The following INSR variants were observed in gnomAD, a reference collection of about 807,000 sequenced individuals.
INSR encodes the protein IR.
INSR carries 67 observed loss-of-function variants against 142.6 expected under a neutral mutation model. The ratio of observed to expected loss-of-function variants is 0.47; its 90% CI spans 0.39 to 0.58. The LOEUF is 0.58. Ranked by LOEUF, INSR falls within the 20% of genes least tolerant of loss-of-function variation. The pLI is 0.00. For synonymous variants in INSR, 756 were observed against 743.1 expected (o/e 1.02, Z -0.28); for missense variants, 1,248 against 1,833.2 (o/e 0.68, Z 5.83).
intron 2 of INSR, among the ~76,000 whole-genome samples, chr19:7,243,745 G>A (rs1300963215): frequency 1.3e-5 from 2 of 152,102 alleles, no homozygotes; most frequent in Non-Finnish European, 2.9e-5. Context: ...CAGATGGCAA[G>A]AATTCAGAAA....
intron 2 of INSR, among the ~76,000 whole-genome samples, chr19:7,254,354 ATAAATAAG>A (rs1396919701): frequency 6.6e-6 from 1 of 151,794 alleles, no homozygotes; most frequent in Non-Finnish European, 1.5e-5. Flanking sequence ...CATCTCTTTA[ATAAATAAG>A]TAAATAAGTA....
At chr19:7,252,248 A>G (rs1032184143) in intron 2 of INSR, among the ~76,000 whole-genome samples, 3 of 152,032 alleles carry the variant, frequency 2.0e-5, no homozygotes, top group Non-Finnish European at 4.4e-5. Context: ...CATCTCTACT[A>G]AAAATACAAA....
chr19:7,154,645 T>G (rs1312487289), intron 9 of INSR, among the ~76,000 whole-genome samples: 1 of 145,446 alleles, frequency 6.9e-6, no homozygotes, highest in African/African-American at 2.5e-5. Context: ...GCCAGGTGGC[T>G]GGGCGCGGTG....
intron 17 of INSR, among the ~76,000 whole-genome samples, chr19:7,124,344 G>C (rs910735628): frequency 8.4e-5 from 12 of 143,518 alleles, no homozygotes; most frequent in Admixed American, 7.8e-4. Flanking sequence ...ACTCCAGCCT[G>C]GGTGACAGAG....
intron 2 of INSR, among the ~76,000 whole-genome samples, chr19:7,196,675 A>C (rs1974755891): frequency 6.6e-6 from 1 of 152,182 alleles, no homozygotes; most frequent in Non-Finnish European, 1.5e-5. Context: ...ATGATTCGAT[A>C]GCTCCACATA....
At chr19:7,264,000 T>C (rs1229964336) in intron 2 of INSR, among the ~76,000 whole-genome samples, 1 of 152,002 alleles carries the variant, frequency 6.6e-6, no homozygotes, top group East Asian at 1.9e-4. Context: ...AGAAATCCCA[T>C]CTCTACTAAA....
intron 8 of INSR, among the ~76,000 whole-genome samples, chr19:7,165,688 T>C (rs1973872398): frequency 6.6e-6 from 1 of 151,684 alleles, no homozygotes; most frequent in African/African-American, 2.4e-5. Context: ...CACAGCAACG[T>C]TCTGTCTCTA....
At chr19:7,186,581 AC>A (rs760482985) in intron 2 of INSR, among the ~76,000 whole-genome samples, 4 of 152,042 alleles carry the variant, frequency 2.6e-5, no homozygotes, top group Non-Finnish European at 4.4e-5. Context: ...AACCATCACC[AC>A]CACCCATCTC....
At chr19:7,234,072 T>G (rs1600070904) in intron 2 of INSR, among the ~76,000 whole-genome samples, 1 of 151,850 alleles carries the variant, frequency 6.6e-6, no homozygotes, top group East Asian at 1.9e-4. Flanking sequence ...GTCCAGCTAA[T>G]TTTTTTTATT....
intron 1 of INSR, among the ~76,000 whole-genome samples, chr19:7,286,690 A>G (rs1041692673): frequency 6.6e-6 from 1 of 151,282 alleles, no homozygotes; most frequent in African/African-American, 2.4e-5. Flanking sequence ...GCACCCCACC[A>G]CAAGATTTTG....
chr19:7,127,089 G>C (rs1375029859), intron 15 of INSR, among the ~76,000 whole-genome samples: 1 of 151,992 alleles, frequency 6.6e-6, no homozygotes, highest in East Asian at 1.9e-4. Flanking sequence ...ATATAGACAG[G>C]GTCTCACTAT....
At chr19:7,137,616 C>G (rs974718253) in intron 13 of INSR, among the ~76,000 whole-genome samples, 24 of 151,804 alleles carry the variant, frequency 1.6e-4, no homozygotes, top group African/African-American at 5.8e-4. Flanking sequence ...GGTGAAACCT[C>G]GTCTCCATTA....
In INSR at chr19:7,213,299, G is replaced by A. The variant is rs180765508; in HGVS notation, c.653-28662C>T. Among the ~76,000 whole-genome samples the A allele has an allele frequency of 2.6e-4, 35 of 134,692 alleles. 1 individual carries two copies. The highest frequency in any genetic ancestry group is 8.3e-4 in the African/African-American group (31 of 37,130). 88.4% of individuals were successfully genotyped at this position (134,692 alleles called of 152,430 possible). A position where few individuals can be genotyped will look rare whatever the true frequency, so the allele number is the denominator to read the frequency against. ...GCGGAGGTTGCAGTGAGCCAAGATC[G>A]CACCATTGCACTCCAGCCTGGGCTA... On this transcript the variant is annotated intron_variant, in intron 2 of 21. Transcript: ENST00000302850.
intron 2 of INSR, among the ~76,000 whole-genome samples, chr19:7,201,717 C>T (rs1974960947): frequency 7.2e-6 from 1 of 138,044 alleles, no homozygotes. Context: ...GGCTGGAGTG[C>T]AGTGGCGCGA....
chr19:7,182,751 G>A (rs921838493), intron 3 of INSR, among the ~76,000 whole-genome samples: 1 of 152,076 alleles, frequency 6.6e-6, no homozygotes, highest in East Asian at 1.9e-4. Flanking sequence ...TTGTTAAGGT[G>A]AGGGAAAAAT....
At chr19:7,121,143 G>C (rs959950756) in intron 19 of INSR, among the ~76,000 whole-genome samples, 2 of 151,958 alleles carry the variant, frequency 1.3e-5, no homozygotes, top group African/African-American at 4.8e-5. Context: ...GATTACAGCT[G>C]TCTGCCACCA....
chr19:7,178,152 G>C (rs569000769), intron 3 of INSR, among the ~76,000 whole-genome samples: 1 of 150,052 alleles, frequency 6.7e-6, no homozygotes, highest in Non-Finnish European at 1.5e-5. Context: ...TCTTCATCCC[G>C]GTTCTTGGCA....
intron 2 of INSR, among the ~76,000 whole-genome samples, chr19:7,189,781 A>G (rs1339852457): frequency 6.6e-6 from 1 of 151,278 alleles, no homozygotes; most frequent in African/African-American, 2.4e-5. Context: ...CTCCTGCCTC[A>G]GCCTCCTGAG....
At position 7,153,046 on chromosome 19, in the gene INSR, CA is replaced by C. The variant is rs1486856711; in HGVS notation, c.2030-120del. 3.4e-4 allele frequency: 124 copies of C among 369,224 alleles called. 2 individuals carry two copies. Among genetic ancestry groups the C allele is most frequent in the African/African-American group, 8.6e-4 (11 of 12,736 alleles). The allele number at this position is 369,224 out of a possible 1,614,324, so 22.9% of individuals were successfully genotyped here. A position where few individuals can be genotyped will look rare whatever the true frequency, so the allele number is the denominator to read the frequency against. On this transcript the variant is annotated intron_variant, in intron 9 of 21. Transcript: ENST00000302850. The stretch of plus-strand genomic sequence containing the variant: ...ACACACCACACACACACACACCACA[CA>C]CCCCCCCACACACACACACCACACA...
Sources: gnomAD v4.1 joint callset for allele counts (sites outside exome capture counted in the v4.1 genomes callset) on GRCh38, gnomAD v4.1.1 for gene constraint, MANE v1.5 for transcripts, NCBI Gene and HGNC (gene_info 2026-07-23, HGNC 2026-07-21) for gene names.